FAF1: variants seen among roughly 807,000 people sequenced by gnomAD.
FAF1 encodes the protein FAS-associated factor 1.
Under a neutral mutation model 92.5 loss-of-function variants are expected in FAF1, and 25 were observed. The observed-to-expected ratio is 0.27, with a 90% CI of 0.20 to 0.38. The LOEUF (loss-of-function observed/expected upper bound fraction) is 0.38. FAF1 is among the 10% of genes least tolerant of loss of function. The pLI, the probability that FAF1 is intolerant of heterozygous loss-of-function variation, is 1.00. For missense variants in FAF1, 636 were observed against 793.3 expected (o/e 0.80, Z 2.38); for synonymous variants, 234 against 273.2 (o/e 0.86, Z 1.42).
chr1:50,561,882 G>GGAAGGAAGA (rs1649929550), intron 13 of FAF1, among the ~76,000 whole-genome samples: 1 of 145,100 alleles, frequency 6.9e-6, no homozygotes, highest in African/African-American at 2.8e-5. Flanking sequence ...AGGAAGGAAG[G>GGAAGGAAGA]AAGGAAGGAA....
chr1:50,925,406 C>T (rs1296315322), intron 1 of FAF1, among the ~76,000 whole-genome samples: 1 of 151,784 alleles, frequency 6.6e-6, no homozygotes, highest in Non-Finnish European at 1.5e-5. Context: ...ACTTACAAAT[C>T]GTTTGACTAA....
At chr1:50,845,170 C>G (rs1644287819) in intron 2 of FAF1, among the ~76,000 whole-genome samples, 1 of 152,198 alleles carries the variant, frequency 6.6e-6, no homozygotes, top group South Asian at 2.1e-4. Flanking sequence ...TTAAAGTAAG[C>G]ATGATATTAA....
intron 13 of FAF1, among the ~76,000 whole-genome samples, chr1:50,556,971 T>C (rs1649618400): frequency 6.6e-6 from 1 of 152,248 alleles, no homozygotes; most frequent in Non-Finnish European, 1.5e-5. Flanking sequence ...AACAAGTTAA[T>C]ACATAGCTTT....
intron 1 of FAF1, among the ~76,000 whole-genome samples, chr1:50,909,142 T>C (rs1644863387): frequency 6.6e-6 from 1 of 152,202 alleles, no homozygotes; most frequent in Admixed American, 6.5e-5. Context: ...GAAGCTTAGT[T>C]TGGCTGGATA....
rs1661180199 is a variant in FAF1, at chr1:50,781,546, A to T, written c.367+6454T>A. Among the ~76,000 whole-genome samples the T allele has an allele frequency of 2.0e-5, 3 of 152,196 alleles. No homozygotes were observed. The South Asian group carries it at 6.2e-4, about 31-fold the overall frequency. The stretch of plus-strand genomic sequence containing the variant: ...ACTGAAGGGAAAAACAGACACCAAC[A>T]TACTTATAGTGGGAGATTTCAACAC... On this transcript the variant is annotated intron_variant, in intron 4 of 18. Coordinates refer to ENST00000396153, the MANE Select transcript of FAF1 (RefSeq NM_007051.3).
At chr1:50,662,233 C>A (rs922382288) in intron 7 of FAF1, among the ~76,000 whole-genome samples, 3 of 152,160 alleles carry the variant, frequency 2.0e-5, no homozygotes, top group Non-Finnish European at 2.9e-5. Flanking sequence ...AGATCTGTTT[C>A]AAGAAATCTA....
intron 1 of FAF1, among the ~76,000 whole-genome samples, chr1:50,918,186 TTTTAA>T (rs1217519856): frequency 6.6e-6 from 1 of 151,206 alleles, no homozygotes; most frequent in South Asian, 2.1e-4. Context: ...TTTTTTTTTT[TTTTAA>T]TTTTTTTTTT....
chr1:50,595,541 A>C (rs1268474385), intron 9 of FAF1, among the ~76,000 whole-genome samples: 2 of 151,954 alleles, frequency 1.3e-5, no homozygotes, highest in Non-Finnish European at 2.9e-5. Context: ...TAGCAAAAAA[A>C]AGTTTCTTTT....
chr1:50,956,129 A>T (rs905990237), intron 1 of FAF1, among the ~76,000 whole-genome samples: 29 of 152,360 alleles, frequency 1.9e-4, no homozygotes, highest in African/African-American at 6.3e-4. Flanking sequence ...TAAGACTTTA[A>T]AATGGCTAAA....
chr1:50,693,806 C>T (rs1379747743), intron 7 of FAF1, among the ~76,000 whole-genome samples: 1 of 151,936 alleles, frequency 6.6e-6, no homozygotes, highest in East Asian at 1.9e-4. Context: ...CTAGCACACA[C>T]CCCTCTCTCT....
intron 1 of FAF1, among the ~76,000 whole-genome samples, chr1:50,873,712 G>A (rs1161658520): frequency 1.3e-5 from 2 of 152,200 alleles, no homozygotes; most frequent in Admixed American, 1.3e-4. Context: ...AAAAGTGGGT[G>A]TAAATTATTA....
intron 13 of FAF1, among the ~76,000 whole-genome samples, chr1:50,544,827 G>A (rs1038620092): frequency 1.3e-5 from 2 of 152,136 alleles, no homozygotes; most frequent in African/African-American, 4.8e-5. Flanking sequence ...CTCAAAAGAG[G>A]TGAAGGAGGA....
In FAF1 at chr1:50,640,829, A is replaced by ATTTTTTTTTTTTTTTTTTTT. The variant is rs71059592; in HGVS notation, c.744+14593_744+14612dup. ...AGTCTAGCTAGGAGTTTATCAGCTG[A>ATTTTTTTTTTTTTTTTTTTT]TTTTTTTTTTTTTTTTTTTTTTTGA... On this transcript the variant is annotated intron_variant, in intron 8 of 18. Transcript: ENST00000396153. Among the ~76,000 whole-genome samples the ATTTTTTTTTTTTTTTTTTTT allele has an allele frequency of 2.3e-5, 2 of 88,504 alleles. 1 individual carries two copies. The highest frequency in any genetic ancestry group is 4.0e-5 in the Non-Finnish European group (2 of 50,156). The allele number at this position is 88,504 out of a possible 152,430, so 58.1% of individuals were successfully genotyped here.
intron 17 of FAF1, among the ~76,000 whole-genome samples, chr1:50,476,356 C>G (rs1314837128): frequency 1.3e-5 from 2 of 152,212 alleles, no homozygotes; most frequent in African/African-American, 4.8e-5. Context: ...AGTCCTAGTT[C>G]TGGCTTTGCC....
At chr1:50,598,462 TAAAA>T (rs890794436) in intron 8 of FAF1, among the ~76,000 whole-genome samples, 3 of 112,352 alleles carry the variant, frequency 2.7e-5, no homozygotes, top group Admixed American at 9.5e-5. Flanking sequence ...AACCTGTCTT[TAAAA>T]AAAAAAAAAA....
At chr1:50,552,067 G>A (rs1052829727) in intron 13 of FAF1, among the ~76,000 whole-genome samples, 1 of 152,044 alleles carries the variant, frequency 6.6e-6, no homozygotes, top group Non-Finnish European at 1.5e-5. Flanking sequence ...TGCCAAGGCG[G>A]GCGGATCACC....
rs919452447 is a variant in FAF1, at chr1:50,928,558, C to T, written c.45+31209G>A. 4.6e-5 allele frequency among the ~76,000 whole-genome samples: 7 copies of T among 151,068 alleles called. No individual in the cohort carries two copies. In the South Asian group the frequency reaches 8.4e-4, roughly 18 times the overall value. On this transcript the variant is annotated intron_variant, in intron 1 of 18. Coordinates refer to ENST00000396153, the MANE Select transcript of FAF1 (RefSeq NM_007051.3). ...CAGCACTTTGGGAGATCAAGGTGGG[C>T]GGATCACAAGGTCAAGAGTTCGAGA...
At chr1:50,746,280 ATATATATATATATTTTTTTTTTTTTTT>A in intron 4 of FAF1, among the ~76,000 whole-genome samples, 1 of 18,870 alleles carries the variant, frequency 5.3e-5, no homozygotes, top group South Asian at 2.8e-3. Context: ...ATATATATAT[ATATATATATATATTTTTTTTTTTTTTT>A]TTTTTTTTTT....
At chr1:50,500,218 A>G (rs962902037) in intron 15 of FAF1, among the ~76,000 whole-genome samples, 2 of 152,204 alleles carry the variant, frequency 1.3e-5, no homozygotes, top group African/African-American at 4.8e-5. Flanking sequence ...TGGATAAAAA[A>G]TAAAATAACT....
Sources: gnomAD v4.1 joint callset for allele counts (sites outside exome capture counted in the v4.1 genomes callset) on GRCh38, gnomAD v4.1.1 for gene constraint, MANE v1.5 for transcripts, NCBI Gene and HGNC (gene_info 2026-07-23, HGNC 2026-07-21) for gene names.